The following SPIDR variants were observed in gnomAD, a reference collection of about 807,000 sequenced individuals.
SPIDR encodes DNA repair-scaffolding protein.
In SPIDR, 93 loss-of-function variants were observed where a neutral mutation model predicts 104.6. The ratio of observed to expected loss-of-function variants is 0.89; its 90% CI spans 0.75 to 1.06. The LOEUF (loss-of-function observed/expected upper bound fraction) is 1.06. Among genes scored for constraint, SPIDR ranks in the 50% least tolerant of loss-of-function variants. SPIDR has a pLI of 0.00. For synonymous variants in SPIDR, 431 were observed against 416.9 expected, an observed-to-expected ratio of 1.03 and a Z score of -0.41; for missense variants, 1,154 against 1,111.2, an observed-to-expected ratio of 1.04 and a Z score of -0.55.
chr8:47,499,594 G>C (rs2080031823), intron 8 of SPIDR, among the ~76,000 whole-genome samples: 2 of 148,732 alleles, frequency 1.3e-5, no homozygotes, highest in Admixed American at 1.3e-4. Context: ...TTGTTTACTA[G>C]ACTCATTTAG....
At chr8:47,330,690 T>G in intron 5 of SPIDR, 1 of 444,996 alleles carries the variant, frequency 2.2e-6, no homozygotes, top group South Asian at 1.6e-5. Flanking sequence ...GCTTGATAAC[T>G]TATTTCTTTT....
chr8:47,410,338 G>C (rs1198609457), intron 7 of SPIDR, among the ~76,000 whole-genome samples: 1 of 151,646 alleles, frequency 6.6e-6, no homozygotes, highest in African/African-American at 2.4e-5. Context: ...CTGCCATCAC[G>C]CCTGGCTAAT....
chr8:47,736,203 T>A lies in SPIDR; in HGVS notation c.*753T>A, dbSNP rs1463687070. On this transcript the variant is annotated 3_prime_UTR_variant, in exon 20 of 20. Transcript: ENST00000297423. ...CACTATAAAGATTTTGTTCCCTTCC[T>A]TATAGCAATATAATCATGACAGGCC... 2.6e-5 allele frequency: 4 copies of A among 152,812 alleles called. No individual in the cohort carries two copies. Among genetic ancestry groups the A allele is most frequent in the African/African-American group, 9.6e-5 (4 of 41,478 alleles). 9.5% of individuals were successfully genotyped at this position (152,812 alleles called of 1,614,324 possible).
At chr8:47,310,903 A>G (rs1469658526) in intron 5 of SPIDR, among the ~76,000 whole-genome samples, 1 of 152,224 alleles carries the variant, frequency 6.6e-6, no homozygotes, top group African/African-American at 2.4e-5. Context: ...AAAATGTACT[A>G]TGCACAGTGT....
intron 5 of SPIDR, among the ~76,000 whole-genome samples, chr8:47,368,131 G>C (rs2057462132): frequency 6.6e-6 from 1 of 151,896 alleles, no homozygotes; most frequent in Non-Finnish European, 1.5e-5. Flanking sequence ...TGGTGGAAGG[G>C]ACAAGGCAGC....
chr8:47,367,494 A>G (rs987814155), intron 5 of SPIDR, among the ~76,000 whole-genome samples: 19 of 152,226 alleles, frequency 1.2e-4, no homozygotes, highest in African/African-American at 4.6e-4. Context: ...TTAAGCCACT[A>G]AGTTTGCGGT....
chr8:47,724,589 T>A (rs1029664283), intron 16 of SPIDR, among the ~76,000 whole-genome samples: 2 of 152,256 alleles, frequency 1.3e-5, no homozygotes, highest in African/African-American at 4.8e-5. Context: ...AGAGAGTTGG[T>A]GCTAGGGCTT....
intron 2 of SPIDR, 111 bp from the exon 3 acceptor site, chr8:47,283,915 GAA>G: frequency 1.4e-6 from 1 of 698,498 alleles, no homozygotes; most frequent in South Asian, 2.2e-5. Flanking sequence ...ATTGGTAAAG[GAA>G]ATCAGAGAAG....
chr8:47,491,103 A>G (rs1224539185), intron 8 of SPIDR, among the ~76,000 whole-genome samples: 20 of 152,342 alleles, frequency 1.3e-4, no homozygotes, highest in African/African-American at 3.6e-4. Context: ...TGGTACTTCA[A>G]ACTTTAAAAA....
intron 8 of SPIDR, among the ~76,000 whole-genome samples, chr8:47,589,022 GTT>G (rs1168001066): frequency 0.013 from 1,157 of 88,928 alleles, 5 homozygotes; most frequent in African/African-American, 0.041. Context: ...TTTATAGTTT[GTT>G]TTTTTTTTTT....
chr8:47,708,582 A>T (rs28895958), intron 14 of SPIDR, among the ~76,000 whole-genome samples: 4,560 of 152,220 alleles, frequency 0.03, 240 homozygotes, highest in African/African-American at 0.1. Flanking sequence ...GTGTAATTTT[A>T]TGGGTTTGCA....
intron 11 of SPIDR, among the ~76,000 whole-genome samples, chr8:47,676,620 G>A (rs2076485046): frequency 6.6e-6 from 1 of 151,772 alleles, no homozygotes; most frequent in African/African-American, 2.4e-5. Flanking sequence ...CCAAATTCAA[G>A]CTAAAATGAT....
intron 8 of SPIDR, among the ~76,000 whole-genome samples, chr8:47,476,472 G>C (rs1478659391): frequency 6.6e-6 from 1 of 152,128 alleles, no homozygotes; most frequent in Non-Finnish European, 1.5e-5. Flanking sequence ...TGATAGTCCA[G>C]TTTGATTGCA....
Position 47,353,002 on chromosome 8 carries a change from CA to C in SPIDR, c.526-43372del, listed in dbSNP as rs1408613483. On this transcript the variant is annotated intron_variant, in intron 5 of 19. Transcript: ENST00000297423. ...CCAGGAGGCAAAGGTTGCAGTGAGC[CA>C]AGATCATGCCACTGCACTCCAGCCA... Among the ~76,000 whole-genome samples the C allele has an allele frequency of 4.5e-5, 6 of 132,230 alleles. No individual in the cohort carries two copies. The Admixed American group carries it at 5.6e-4, about 12-fold the overall frequency. The allele number at this position is 132,230 out of a possible 152,430, so 86.7% of individuals were successfully genotyped here. A position where few individuals can be genotyped will look rare whatever the true frequency, so the allele number is the denominator to read the frequency against.
chr8:47,622,979 A>C (rs1001574034), intron 10 of SPIDR, among the ~76,000 whole-genome samples: 9 of 152,194 alleles, frequency 5.9e-5, no homozygotes, highest in African/African-American at 2.2e-4. Context: ...GGCCCACAGC[A>C]GTCTCAGTAT....
chr8:47,261,021 G>C lies in SPIDR; in HGVS notation c.33+30G>C, dbSNP rs1446480429. On this transcript the variant is annotated intron_variant, in intron 1 of 19. Transcript: ENST00000297423. ...GCTCTGGGGCGGGAGTGGGCGCCGC[G>C]CCGTTTCCCGCGTTGCGGGGAAGCG... The C allele has an allele frequency of 3.3e-6, 4 of 1,226,730 alleles. No homozygotes were observed. The African/African-American group carries it at 6.2e-5, about 19-fold the overall frequency. 76.0% of individuals were successfully genotyped at this position (1,226,730 alleles called of 1,614,324 possible).
intron 14 of SPIDR, among the ~76,000 whole-genome samples, chr8:47,708,298 C>CAAA (rs1315384537): frequency 6.6e-6 from 1 of 152,224 alleles, no homozygotes; most frequent in Non-Finnish European, 1.5e-5. Flanking sequence ...GACTCCGTCT[C>CAAA]AAAAACAAAC....
At chr8:47,735,062 G>C (rs544230627) in intron 19 of SPIDR, among the ~76,000 whole-genome samples, 1 of 152,058 alleles carries the variant, frequency 6.6e-6, no homozygotes, top group East Asian at 1.9e-4. Flanking sequence ...GAATGGGGTA[G>C]TTCCTTCACT....
chr8:47,344,795 G>A (rs1212692035), intron 5 of SPIDR, among the ~76,000 whole-genome samples: 1 of 152,130 alleles, frequency 6.6e-6, no homozygotes, highest in East Asian at 1.9e-4. Flanking sequence ...CATGTCCTTT[G>A]CCCACTTTTT....
Sources: allele counts gnomAD v4.1 joint callset (sites outside exome capture counted in the v4.1 genomes callset), GRCh38; gene constraint gnomAD v4.1.1; transcripts MANE v1.5; gene names NCBI Gene and HGNC (gene_info 2026-07-23, HGNC 2026-07-21).